Variants in LDB2 observed in about 807,000 individuals in gnomAD.
The protein encoded by LDB2 is LIM domain-binding protein 2.
LDB2 carries 12 observed loss-of-function variants against 44.3 expected under a neutral mutation model. The observed-to-expected ratio is 0.27, with a 90% CI of 0.17 to 0.44. The LOEUF (loss-of-function observed/expected upper bound fraction) is 0.44. Ranked by LOEUF, LDB2 falls within the 20% of genes least tolerant of loss-of-function variation. The pLI is 1.00. For synonymous variants in LDB2, 164 were observed against 174.8 expected (o/e 0.94, Z 0.49); for missense variants, 344 against 473.5 (o/e 0.73, Z 2.54).
rs150900317 is a variant in LDB2 at position 16,886,905 on chromosome 4, C to T, written c.132+11449G>A. ...AAAATAAGCCGGGTGTGGTGGCGGG[C>T]ACCTGTAGTCCCAGCTACTCGTGAG... is the stretch of plus-strand genomic sequence containing the variant. On this transcript the variant is annotated intron_variant, in intron 1 of 7. Transcript: ENST00000304523. Among the ~76,000 whole-genome samples, 17 of 151,762 alleles carry T rather than the reference C, an allele frequency of 1.1e-4. No individual in the cohort carries two copies. The East Asian group carries it at 2.5e-3, about 23-fold the overall frequency.
intron 2 of LDB2, among the ~76,000 whole-genome samples, chr4:16,677,908 T>G (rs570997518): frequency 6.6e-6 from 1 of 152,248 alleles, no homozygotes; most frequent in Non-Finnish European, 1.5e-5. Context: ...AATTTGGAAC[T>G]GCCTGAATTA....
chr4:16,551,928 CTT>C (rs1329227389), intron 5 of LDB2, among the ~76,000 whole-genome samples: 14 of 152,152 alleles, frequency 9.2e-5, no homozygotes, highest in Non-Finnish European at 1.8e-4. Flanking sequence ...AATATCCTCT[CTT>C]CATTCTTTTT....
chr4:16,705,862 T>C (rs1754492333), intron 2 of LDB2, among the ~76,000 whole-genome samples: 2 of 152,132 alleles, frequency 1.3e-5, no homozygotes, highest in Admixed American at 1.3e-4. Flanking sequence ...CTCTCTCCAA[T>C]CAGATATAAA....
chr4:16,762,544 G>A (rs563311445), intron 1 of LDB2, among the ~76,000 whole-genome samples: 2 of 152,212 alleles, frequency 1.3e-5, no homozygotes, highest in South Asian at 2.1e-4. Context: ...GCCCAGTGAA[G>A]GGGGAAACCC....
intron 5 of LDB2, among the ~76,000 whole-genome samples, chr4:16,570,506 T>TAAAAAAAAAAAA (rs1746123141): frequency 1.9e-5 from 1 of 52,158 alleles, no homozygotes; most frequent in Non-Finnish European, 5.3e-5. Flanking sequence ...AAAAAAAAAG[T>TAAAAAAAAAAAA]TTACATCTCA....
chr4:16,503,332 T>C (rs1577207661), intron 7 of LDB2, among the ~76,000 whole-genome samples: 1 of 152,140 alleles, frequency 6.6e-6, no homozygotes, highest in East Asian at 1.9e-4. Context: ...GGTGCAATTC[T>C]GCAATATTCA....
At chr4:16,827,117 T>C (rs1783195356) in intron 1 of LDB2, among the ~76,000 whole-genome samples, 1 of 152,154 alleles carries the variant, frequency 6.6e-6, no homozygotes, top group Admixed American at 6.5e-5. Flanking sequence ...GGAGTGCTGG[T>C]AAAATACAAA....
At chr4:16,763,219 A>G (rs915308543) in intron 1 of LDB2, among the ~76,000 whole-genome samples, 2 of 152,034 alleles carry the variant, frequency 1.3e-5, no homozygotes, top group South Asian at 2.1e-4. Context: ...ATAAGATAAT[A>G]TTTTTGTTTG....
chr4:16,702,307 C>A (rs555802114), intron 2 of LDB2, among the ~76,000 whole-genome samples: 7 of 152,302 alleles, frequency 4.6e-5, no homozygotes, highest in African/African-American at 1.7e-4. Context: ...TTGGAAAGTT[C>A]TCTTATGGTT....
At chr4:16,834,303 TG>T (rs759101335) in intron 1 of LDB2, among the ~76,000 whole-genome samples, 36 of 152,328 alleles carry the variant, frequency 2.4e-4, no homozygotes, top group Middle Eastern at 3.4e-3. Context: ...CAATATGCTT[TG>T]GGAAAAATGA....
intron 1 of LDB2, among the ~76,000 whole-genome samples, chr4:16,762,286 C>A (rs1768097276): frequency 6.6e-6 from 1 of 152,166 alleles, no homozygotes; most frequent in South Asian, 2.1e-4. Context: ...TCCCTGGCAA[C>A]AGCATCTGTC....
At chr4:16,546,117 C>T (rs947956872) in intron 5 of LDB2, among the ~76,000 whole-genome samples, 1 of 152,156 alleles carries the variant, frequency 6.6e-6, no homozygotes, top group African/African-American at 2.4e-5. Context: ...AAGTTACATT[C>T]TTATTTCAGG....
At chr4:16,854,504 T>TAC (rs61445499) in intron 1 of LDB2, among the ~76,000 whole-genome samples, 19,375 of 145,086 alleles carry the variant, frequency 0.13, 2,729 homozygotes, top group African/African-American at 0.37. Flanking sequence ...TAAATATAAA[T>TAC]ACACACACAC....
intron 1 of LDB2, among the ~76,000 whole-genome samples, chr4:16,888,039 G>C (rs545023366): frequency 9.5e-4 from 144 of 152,334 alleles, no homozygotes; most frequent in African/African-American, 3.1e-3. Context: ...AAGCCACAAG[G>C]TGTCACAGTG....
At chr4:16,539,202 T>C (rs1033919126) in intron 5 of LDB2, among the ~76,000 whole-genome samples, 1 of 152,088 alleles carries the variant, frequency 6.6e-6, no homozygotes, top group East Asian at 1.9e-4. Context: ...GGGAGACACA[T>C]AGGTACTTTC....
At chr4:16,721,908 C>G (rs1758370455) in intron 2 of LDB2, among the ~76,000 whole-genome samples, 1 of 152,168 alleles carries the variant, frequency 6.6e-6, no homozygotes, top group East Asian at 1.9e-4. Context: ...TTCTAAGCCA[C>G]AGTCCATGGC....
chr4:16,721,035 T>C (rs1228041324), intron 2 of LDB2, among the ~76,000 whole-genome samples: 2 of 152,188 alleles, frequency 1.3e-5, no homozygotes, highest in Admixed American at 6.6e-5. Context: ...TTAGCTGAAG[T>C]TGACAAACCA....
chr4:16,858,513 C>T (rs141952643), intron 1 of LDB2, among the ~76,000 whole-genome samples: 4 of 152,260 alleles, frequency 2.6e-5, no homozygotes, highest in Non-Finnish European at 4.4e-5. Context: ...TTTTCTTAAA[C>T]GCTGCTTGGG....
At chr4:16,788,651 C>T (rs1775029993) in intron 1 of LDB2, among the ~76,000 whole-genome samples, 1 of 152,182 alleles carries the variant, frequency 6.6e-6, no homozygotes, top group South Asian at 2.1e-4. Context: ...AGCATGATAG[C>T]AGAAGGGTGA....
Sources: allele counts gnomAD v4.1 joint callset (sites outside exome capture counted in the v4.1 genomes callset), GRCh38; gene constraint gnomAD v4.1.1; transcripts MANE v1.5; gene names NCBI Gene and HGNC (gene_info 2026-07-23, HGNC 2026-07-21).